Variants in PAN3 observed in about 807,000 individuals in gnomAD.
PAN3 encodes the protein PAN2-PAN3 deadenylation complex subunit PAN3.
In PAN3, 19 loss-of-function variants were observed where a neutral mutation model predicts 96.2. The observed-to-expected ratio is 0.20, with a 90% CI of 0.14 to 0.29. The LOEUF (loss-of-function observed/expected upper bound fraction) is 0.29. PAN3 is among the 10% of genes least tolerant of loss of function. The probability of loss-of-function intolerance (pLI) is 1.00; values close to 1 mark genes in which losing one functional copy is unlikely to be tolerated. For missense variants in PAN3, 882 were observed against 1,108.1 expected, an observed-to-expected ratio of 0.80 and a Z score of 2.90; for synonymous variants, 433 against 406.6, an observed-to-expected ratio of 1.06 and a Z score of -0.78.
chr13:28,151,388 A>G (rs557737818), intron 1 of PAN3, among the ~76,000 whole-genome samples: 3 of 152,062 alleles, frequency 2.0e-5, no homozygotes, highest in African/African-American at 7.2e-5. Flanking sequence ...GGTGGTGGGC[A>G]CCTGTAGTCC....
chr13:28,282,605 A>G (rs536466830), intron 17 of PAN3, among the ~76,000 whole-genome samples: 16 of 152,330 alleles, frequency 1.1e-4, no homozygotes, highest in African/African-American at 3.8e-4. Context: ...GCACGTGCAC[A>G]CACACATGCA....
At chr13:28,244,173 A>G (rs1883954709) in intron 6 of PAN3, among the ~76,000 whole-genome samples, 1 of 152,188 alleles carries the variant, frequency 6.6e-6, no homozygotes, top group Non-Finnish European at 1.5e-5. Context: ...GGTTAAGCAG[A>G]CTAGCCCTTT....
intron 5 of PAN3, among the ~76,000 whole-genome samples, chr13:28,213,756 C>T (rs907119071): frequency 1.5e-4 from 22 of 147,864 alleles, no homozygotes; most frequent in African/African-American, 5.4e-4. Context: ...GGTGAACTCT[C>T]ACAACTTCGT....
intron 1 of PAN3, among the ~76,000 whole-genome samples, chr13:28,172,542 A>G (rs1168927202): frequency 1.3e-5 from 2 of 152,180 alleles, no homozygotes; most frequent in African/African-American, 2.4e-5. Flanking sequence ...TAGAGAGGAT[A>G]GTGTCATCCC....
At chr13:28,172,201 A>G (rs1196199721) in intron 1 of PAN3, among the ~76,000 whole-genome samples, 2 of 152,208 alleles carry the variant, frequency 1.3e-5, no homozygotes, top group Non-Finnish European at 2.9e-5. Flanking sequence ...CACGCCTGTA[A>G]TCCCAACACT....
rs372384720 is a variant in PAN3, at chr13:28,292,411, C to T, written c.2553C>T (p.Ser851=). ...KLDAGVPEKI[S]LISRDEKSVL... ...ATGCTGGTGTGCCAGAAAAAATAAG[C>T]CTGATTTCCAGAGATGAGAAGAGTG... is the stretch of plus-strand genomic sequence containing the variant. Residue 851 remains serine (S), a synonymous_variant, in exon 19 of 19, where the codon AGC becomes AGT. Transcript: ENST00000380958. 5.0e-6 allele frequency: 8 copies of T among 1,606,870 alleles called. No individual in the cohort carries two copies. In the African/African-American group the frequency reaches 8.0e-5, roughly 16 times the overall value.
intron 6 of PAN3, among the ~76,000 whole-genome samples, chr13:28,249,440 C>T (rs958643364): frequency 2.6e-5 from 4 of 151,840 alleles, no homozygotes; most frequent in Admixed American, 6.6e-5. Context: ...AAAATATTAA[C>T]GCAAGATTTT....
intron 8 of PAN3, 103 bp downstream of exon 8, chr13:28,260,654 A>G (rs905511528): frequency 1.1e-6 from 1 of 945,950 alleles, no homozygotes; most frequent in Non-Finnish European, 1.6e-6. Context: ...TTAATCAAAT[A>G]TGCTCTAGTA....
chr13:28,215,888 G>A (rs1880692906), intron 5 of PAN3: 5 of 1,334,590 alleles, frequency 3.7e-6, no homozygotes, highest in Non-Finnish European at 5.3e-6. Flanking sequence ...AATCTCAGAA[G>A]GCTAAATGAA....
intron 4 of PAN3, among the ~76,000 whole-genome samples, chr13:28,184,304 A>G (rs888185170): frequency 1.3e-5 from 2 of 152,134 alleles, no homozygotes; most frequent in South Asian, 2.1e-4. Flanking sequence ...ATATTTTATC[A>G]TATCATTTAG....
chr13:28,179,758 A>T (rs1285180637), intron 4 of PAN3, among the ~76,000 whole-genome samples: 2 of 152,086 alleles, frequency 1.3e-5, no homozygotes, highest in African/African-American at 4.8e-5. Flanking sequence ...ATACGAGTAG[A>T]AAGTAAAACT....
intron 7 of PAN3, among the ~76,000 whole-genome samples, chr13:28,258,798 C>A (rs1176315360): frequency 6.6e-6 from 1 of 152,090 alleles, no homozygotes. Context: ...TGCTCAAGTC[C>A]CTGATATAGA....
intron 9 of PAN3, among the ~76,000 whole-genome samples, chr13:28,264,665 C>G (rs1276716514): frequency 1.3e-5 from 2 of 152,118 alleles, no homozygotes; most frequent in Non-Finnish European, 2.9e-5. Context: ...AAACGAGTGC[C>G]TACTATCCTT....
At chr13:28,208,249 G>A (rs1017659618) in intron 5 of PAN3, among the ~76,000 whole-genome samples, 2 of 152,184 alleles carry the variant, frequency 1.3e-5, no homozygotes, top group Non-Finnish European at 2.9e-5. Flanking sequence ...GCTATGGATA[G>A]AAGATATGCA....
At chr13:28,211,400 G>C (rs1372522673) in intron 5 of PAN3, among the ~76,000 whole-genome samples, 2 of 152,194 alleles carry the variant, frequency 1.3e-5, no homozygotes, top group African/African-American at 2.4e-5. Context: ...AATAGACTGT[G>C]ACTTGGTGCT....
intron 1 of PAN3, among the ~76,000 whole-genome samples, chr13:28,144,725 T>C (rs1333648242): frequency 3.0e-5 from 4 of 131,862 alleles, no homozygotes; most frequent in African/African-American, 5.2e-5. Context: ...CATCTTTTTT[T>C]TTTTTTTTTT....
intron 4 of PAN3, among the ~76,000 whole-genome samples, chr13:28,183,890 G>A (rs1876119009): frequency 6.6e-6 from 1 of 152,158 alleles, no homozygotes. Flanking sequence ...ACTATTATTG[G>A]TAGTAGGTAG....
At chr13:28,163,479 A>G (rs1304023152) in intron 1 of PAN3, among the ~76,000 whole-genome samples, 1 of 152,204 alleles carries the variant, frequency 6.6e-6, no homozygotes, top group African/African-American at 2.4e-5. Flanking sequence ...AGATTATTTC[A>G]TTTGATTCCA....
chr13:28,215,824 A>G (rs1880682566), intron 5 of PAN3: 25 of 1,375,260 alleles, frequency 1.8e-5, no homozygotes, highest in Non-Finnish European at 2.6e-5. Flanking sequence ...GGTGTCATCA[A>G]AGCAGTGGAC....
Sources: gnomAD v4.1 joint callset for allele counts (sites outside exome capture counted in the v4.1 genomes callset) on GRCh38, gnomAD v4.1.1 for gene constraint, MANE v1.5 for transcripts, NCBI Gene and HGNC (gene_info 2026-07-23, HGNC 2026-07-21) for gene names.